Variants in MBNL1 observed in about 807,000 individuals in gnomAD.
MBNL1 encodes the protein muscleblind like splicing regulator 1.
A neutral mutation model predicts 42.2 loss-of-function variants in MBNL1; 8 were observed. That is an observed-to-expected ratio of 0.19 (90% CI 0.11 to 0.34). The LOEUF is 0.34. Ranked by LOEUF, MBNL1 falls within the 10% of genes least tolerant of loss-of-function variation. The probability of loss-of-function intolerance (pLI) is 1.00; values close to 1 mark genes in which losing one functional copy is unlikely to be tolerated. For synonymous variants in MBNL1, 169 were observed against 173.9 expected, an observed-to-expected ratio of 0.97 and a Z score of 0.22; for missense variants, 309 against 495.3, an observed-to-expected ratio of 0.62 and a Z score of 3.57.
At chr3:152,335,855 A>G (rs1277673547) in intron 2 of MBNL1, among the ~76,000 whole-genome samples, 1 of 152,190 alleles carries the variant, frequency 6.6e-6, no homozygotes, top group African/African-American at 2.4e-5. Flanking sequence ...TTACAGTGGC[A>G]TAGTAAAGGT....
chr3:152,386,936 T>C (rs2097456298), intron 2 of MBNL1, among the ~76,000 whole-genome samples: 1 of 152,162 alleles, frequency 6.6e-6, no homozygotes, highest in African/African-American at 2.4e-5. Context: ...TGAATCAATG[T>C]GGTGCAGAAT....
chr3:152,350,807 T>G (rs1316442827), intron 2 of MBNL1, among the ~76,000 whole-genome samples: 3 of 152,150 alleles, frequency 2.0e-5, no homozygotes, highest in Non-Finnish European at 4.4e-5. Context: ...CTTTCTTTAC[T>G]CTTTTTAAAA....
intron 3 of MBNL1, among the ~76,000 whole-genome samples, chr3:152,418,358 G>T (rs1354004656): frequency 6.9e-6 from 1 of 145,870 alleles, no homozygotes; most frequent in East Asian, 2.0e-4. Flanking sequence ...GCCAACTCAG[G>T]GTCCTTGGTT....
At chr3:152,398,970 A>G (rs1212695722) in intron 2 of MBNL1, among the ~76,000 whole-genome samples, 2 of 152,192 alleles carry the variant, frequency 1.3e-5, no homozygotes. Context: ...ATTACCTGAT[A>G]CTTCTAAATG....
chr3:152,336,439 C>T (rs1243532388), intron 2 of MBNL1, among the ~76,000 whole-genome samples: 3 of 152,166 alleles, frequency 2.0e-5, no homozygotes, highest in Non-Finnish European at 2.9e-5. Flanking sequence ...CACAATCTTT[C>T]TGCATTCAAA....
chr3:152,435,060 AT>A (rs796920923), intron 4 of MBNL1, among the ~76,000 whole-genome samples: 2,365 of 133,618 alleles, frequency 0.018, 51 homozygotes, highest in African/African-American at 0.06. Flanking sequence ...TCATTTTTCC[AT>A]TTTTTTTTTT....
At chr3:152,248,809 T>C (rs1247323923) in intron 2 of MBNL1, among the ~76,000 whole-genome samples, 2 of 147,616 alleles carry the variant, frequency 1.4e-5, no homozygotes, top group African/African-American at 5.0e-5. Context: ...GATGTTCCCC[T>C]TCCTGTGTCC....
At chr3:152,457,798 GTAAGCAGA>G (rs1736751014) in intron 8 of MBNL1, 2 of 250,646 alleles carry the variant, frequency 8.0e-6, no homozygotes, top group African/African-American at 4.4e-5. Context: ...AATTGCTGGT[GTAAGCAGA>G]ACTATAGCAG....
chr3:152,297,140 A>T (rs1284219518), intron 1 of MBNL1, among the ~76,000 whole-genome samples: 1 of 152,052 alleles, frequency 6.6e-6, no homozygotes, highest in African/African-American at 2.4e-5. Context: ...GAGTAAAGAC[A>T]TTGTTGACCA....
At chr3:152,273,690 T>C (rs1406368249) in intron 1 of MBNL1, among the ~76,000 whole-genome samples, 4 of 152,208 alleles carry the variant, frequency 2.6e-5, no homozygotes, top group African/African-American at 7.2e-5. Context: ...AGAATTGCTT[T>C]TCCACAGAGA....
In MBNL1 at chr3:152,332,723, T is replaced by TGTGTGTGTGTGTGC. The variant is rs2085753280; in HGVS notation, c.174+32369_174+32370insCGTGTGTGTGTGTG. Among the ~76,000 whole-genome samples, 3 of 129,330 alleles carry TGTGTGTGTGTGTGC rather than the reference T, an allele frequency of 2.3e-5. No homozygotes were observed. In the South Asian group the frequency reaches 7.4e-4, roughly 32 times the overall value. 84.8% of individuals were successfully genotyped at this position (129,330 alleles called of 152,430 possible). A position where few individuals can be genotyped will look rare whatever the true frequency, so the allele number is the denominator to read the frequency against. ...GTGTGTGTGTGTGTGTGTGTGTGTG[T>TGTGTGTGTGTGTGC]GTGTGTGTGTGTGTGTGCGCGCGCG... On this transcript the variant is annotated intron_variant, in intron 2 of 9. Transcript: ENST00000324210.
intron 6 of MBNL1, among the ~76,000 whole-genome samples, chr3:152,448,872 A>G (rs1580707313): frequency 1.3e-5 from 2 of 152,208 alleles, no homozygotes; most frequent in South Asian, 2.1e-4. Flanking sequence ...AATTAACTAC[A>G]ATATTCCACT....
intron 2 of MBNL1, among the ~76,000 whole-genome samples, chr3:152,249,758 C>T (rs1182381328): frequency 1.7e-4 from 23 of 134,778 alleles, no homozygotes; most frequent in South Asian, 1.5e-3. Context: ...TTAGGTCTAA[C>T]GGTTAAGTCT....
intron 2 of MBNL1, among the ~76,000 whole-genome samples, chr3:152,311,183 A>G (rs544641732): frequency 1.3e-5 from 2 of 151,116 alleles, no homozygotes; most frequent in African/African-American, 4.9e-5. Flanking sequence ...TAATTTTTGT[A>G]TTTTTACTAG....
At position 152,445,183 on chromosome 3, in the gene MBNL1, A is replaced by G. The variant is rs112368347; in HGVS notation, c.550-99A>G. ...TGAAAATCATTTTCCCTTTTCATCT[A>G]TAGCCTTCTGTCACCAGTCTTGCAC... is the stretch of plus-strand genomic sequence containing the variant. On this transcript the variant is annotated intron_variant, in intron 4 of 9. Transcript: ENST00000324210. 5.1e-5 allele frequency: 51 copies of G among 1,005,008 alleles called. No homozygotes were observed. The African/African-American group carries it at 6.4e-4, about 13-fold the overall frequency. 62.3% of individuals were successfully genotyped at this position (1,005,008 alleles called of 1,614,324 possible).
chr3:152,252,181 C>CCTTCCTTCCTTCCT (rs1328005613), intron 2 of MBNL1, among the ~76,000 whole-genome samples: 9 of 27,984 alleles, frequency 3.2e-4, no homozygotes, highest in Admixed American at 1.3e-3. Flanking sequence ...CCTTCCTTCC[C>CCTTCCTTCCTTCCT]TCCTTCCTTC....
rs114753349 is a variant in MBNL1 at position 152,319,748 on chromosome 3, A to G, written c.174+19381A>G. ...CAATTAAAATTATAATAAAATATAC[A>G]ATGCTCAACATTTAAATTCTATATG... On this transcript the variant is annotated intron_variant, in intron 2 of 9. Transcript: ENST00000324210. Among the ~76,000 whole-genome samples, 482 of 151,720 alleles carry G rather than the reference A, an allele frequency of 3.2e-3. 2 individuals carry two copies. The highest frequency in any genetic ancestry group is 2.8e-3 in the Non-Finnish European group (188 of 67,922).
At chr3:152,248,677 T>C (rs1010322226) in intron 2 of MBNL1, among the ~76,000 whole-genome samples, 1 of 152,038 alleles carries the variant, frequency 6.6e-6, no homozygotes, top group African/African-American at 2.4e-5. Flanking sequence ...GCAGGTTAGG[T>C]ACATATGTAT....
chr3:152,356,205 TAAAC>T (rs1185092330), intron 2 of MBNL1, among the ~76,000 whole-genome samples: 2 of 151,638 alleles, frequency 1.3e-5, no homozygotes, highest in African/African-American at 4.9e-5. Flanking sequence ...CAAACTAAGA[TAAAC>T]AAATATCCCA....
Sources: allele counts gnomAD v4.1 joint callset (sites outside exome capture counted in the v4.1 genomes callset), GRCh38; gene constraint gnomAD v4.1.1; transcripts MANE v1.5; gene names NCBI Gene and HGNC (gene_info 2026-07-23, HGNC 2026-07-21).